The following AGBL4 variants were observed in gnomAD, a reference collection of about 807,000 sequenced individuals.
AGBL4 encodes AGBL carboxypeptidase 4, also known as cytosolic carboxypeptidase 6.
A neutral mutation model predicts 66.4 loss-of-function variants in AGBL4; 58 were observed. The ratio of observed to expected loss-of-function variants is 0.87; its 90% CI spans 0.71 to 1.09. The LOEUF is 1.09. AGBL4 is among the 50% of genes least tolerant of loss of function. AGBL4 has a pLI of 0.00. For missense variants in AGBL4, 579 were observed against 631.0 expected, an observed-to-expected ratio of 0.92 and a Z score of 0.88; for synonymous variants, 234 against 222.9, an observed-to-expected ratio of 1.05 and a Z score of -0.44.
intron 3 of AGBL4, among the ~76,000 whole-genome samples, chr1:49,472,989 G>A (rs1646775702): frequency 6.6e-6 from 1 of 152,000 alleles, no homozygotes; most frequent in African/African-American, 2.4e-5. Context: ...TTGCGGCAAA[G>A]AACATTATTT....
intron 3 of AGBL4, among the ~76,000 whole-genome samples, chr1:49,347,770 G>A (rs1014794837): frequency 6.6e-6 from 1 of 151,782 alleles, no homozygotes; most frequent in Non-Finnish European, 1.5e-5. Flanking sequence ...TGCAGCAGGA[G>A]AATCGCTTGA....
chr1:48,841,788 CTATTT>C (rs1363915062), intron 6 of AGBL4, among the ~76,000 whole-genome samples: 1 of 152,000 alleles, frequency 6.6e-6, no homozygotes, highest in Non-Finnish European at 1.5e-5. Context: ...CTAGCAGAGT[CTATTT>C]TAAGAGTCAT....
Position 48,931,238 on chromosome 1 carries a change from C to T in AGBL4, c.595-64008G>A, listed in dbSNP as rs17105225. Among the ~76,000 whole-genome samples the T allele has an allele frequency of 9.0e-3, 1,368 of 152,300 alleles. 27 individuals are homozygous for T. Among genetic ancestry groups the T allele is most frequent in the African/African-American group, 0.031 (1,307 of 41,560 alleles). ...TTAAGCAAAATCTCTAATACTAAAG[C>T]ATGAGGTGCCATGTTTAAAGATTTG... On this transcript the variant is annotated intron_variant, in intron 5 of 13. Transcript: ENST00000371839.
chr1:49,893,223 A>G (rs2148171691), intron 1 of AGBL4, among the ~76,000 whole-genome samples: 1 of 152,344 alleles, frequency 6.6e-6, no homozygotes, highest in South Asian at 2.1e-4. Flanking sequence ...GTATACTGGA[A>G]AAAGCCCTGA....
chr1:49,427,036 G>T (rs1430474577), intron 3 of AGBL4, among the ~76,000 whole-genome samples: 1 of 151,996 alleles, frequency 6.6e-6, no homozygotes, highest in Non-Finnish European at 1.5e-5. Context: ...CCAAACAAGA[G>T]AACACAAATG....
At chr1:48,987,471 A>T (rs1660269141) in intron 5 of AGBL4, among the ~76,000 whole-genome samples, 1 of 152,036 alleles carries the variant, frequency 6.6e-6, no homozygotes, top group African/African-American at 2.4e-5. Flanking sequence ...AAGATTTAAC[A>T]ATTCTAAATA....
intron 2 of AGBL4, among the ~76,000 whole-genome samples, chr1:49,748,698 T>A (rs981813665): frequency 6.6e-6 from 1 of 152,208 alleles, no homozygotes; most frequent in Non-Finnish European, 1.5e-5. Context: ...ATGATCACCA[T>A]TATGACTGGT....
At chr1:49,979,446 C>T (rs1461076454) in intron 1 of AGBL4, among the ~76,000 whole-genome samples, 2 of 148,186 alleles carry the variant, frequency 1.3e-5, no homozygotes, top group East Asian at 2.0e-4. Flanking sequence ...CCGGCCTGGG[C>T]GACAGAGCGA....
At chr1:49,626,343 T>C (rs574498460) in intron 3 of AGBL4, among the ~76,000 whole-genome samples, 1 of 152,274 alleles carries the variant, frequency 6.6e-6, no homozygotes, top group East Asian at 1.9e-4. Context: ...TACATCTGGA[T>C]TGCTGTGTAG....
At chr1:49,207,355 G>A (rs1031254304) in intron 4 of AGBL4, among the ~76,000 whole-genome samples, 2 of 152,094 alleles carry the variant, frequency 1.3e-5, no homozygotes, top group East Asian at 3.9e-4. Flanking sequence ...GCTCCATTGA[G>A]TTGATGCTCC....
At chr1:49,035,638 T>G (rs193078266) in intron 5 of AGBL4, among the ~76,000 whole-genome samples, 9 of 152,230 alleles carry the variant, frequency 5.9e-5, no homozygotes, top group Admixed American at 3.3e-4. Context: ...GGAGACTGCC[T>G]TTCCCTGGCA....
At chr1:49,197,601 G>A (rs1257042400) in intron 4 of AGBL4, among the ~76,000 whole-genome samples, 1 of 152,146 alleles carries the variant, frequency 6.6e-6, no homozygotes, top group Non-Finnish European at 1.5e-5. Context: ...AGTTGGGACT[G>A]GAACCCACCT....
intron 3 of AGBL4, among the ~76,000 whole-genome samples, chr1:49,543,306 G>T (rs1177212428): frequency 2.0e-5 from 3 of 152,090 alleles, no homozygotes; most frequent in Non-Finnish European, 4.4e-5. Context: ...GAATTGACTG[G>T]CAGGGAACCT....
At chr1:49,124,642 T>G (rs1189853336) in intron 4 of AGBL4, among the ~76,000 whole-genome samples, 1 of 152,216 alleles carries the variant, frequency 6.6e-6, no homozygotes, top group Non-Finnish European at 1.5e-5. Flanking sequence ...AGTTTCTTCA[T>G]GTATCAAATA....
intron 2 of AGBL4, among the ~76,000 whole-genome samples, chr1:49,730,016 G>T (rs1649315357): frequency 6.6e-6 from 1 of 152,060 alleles, no homozygotes; most frequent in Non-Finnish European, 1.5e-5. Context: ...CTGGATAATG[G>T]TTTTTAACCA....
chr1:48,776,544 G>C, intron 6 of AGBL4: 19 of 1,190,966 alleles, frequency 1.6e-5, no homozygotes, highest in Non-Finnish European at 2.1e-5. Flanking sequence ...CGGGCCCCCG[G>C]CCCCTCCCGG....
intron 3 of AGBL4, among the ~76,000 whole-genome samples, chr1:49,574,249 G>A (rs1048836972): frequency 2.0e-5 from 3 of 152,200 alleles, no homozygotes; most frequent in African/African-American, 7.2e-5. Flanking sequence ...ATGGTGGAAG[G>A]AACACAGACT....
chr1:48,904,314 C>T (rs1652378012), intron 5 of AGBL4, among the ~76,000 whole-genome samples: 2 of 152,118 alleles, frequency 1.3e-5, no homozygotes. Context: ...TCAATTACTG[C>T]TTGGCTAATT....
At chr1:49,188,867 T>C (rs1426037449) in intron 4 of AGBL4, among the ~76,000 whole-genome samples, 1 of 152,176 alleles carries the variant, frequency 6.6e-6, no homozygotes, top group Non-Finnish European at 1.5e-5. Flanking sequence ...TTCACTTTTC[T>C]CGTTAATATC....
Sources: gnomAD v4.1 joint callset for allele counts (sites outside exome capture counted in the v4.1 genomes callset) on GRCh38, gnomAD v4.1.1 for gene constraint, MANE v1.5 for transcripts, NCBI Gene and HGNC (gene_info 2026-07-23, HGNC 2026-07-21) for gene names.